TNS3: variants seen among roughly 807,000 people sequenced by gnomAD.
The protein encoded by TNS3 is tensin 3.
A neutral mutation model predicts 140.9 loss-of-function variants in TNS3; 45 were observed. The ratio of observed to expected loss-of-function variants is 0.32; its 90% CI spans 0.25 to 0.41. TNS3 has a LOEUF of 0.41. TNS3 is among the 10% of genes least tolerant of loss of function. The pLI is 1.00. For synonymous variants in TNS3, 815 were observed against 788.4 expected, an observed-to-expected ratio of 1.03 and a Z score of -0.56; for missense variants, 1,716 against 1,906.7, an observed-to-expected ratio of 0.90 and a Z score of 1.86.
chr7:47,362,645 A>G (rs1269299091), intron 17 of TNS3, among the ~76,000 whole-genome samples: 1 of 152,176 alleles, frequency 6.6e-6, no homozygotes. Context: ...TGGTGAAATG[A>G]AGGTACCTAA....
intron 1 of TNS3, among the ~76,000 whole-genome samples, chr7:47,577,509 G>A (rs754851089): frequency 2.5e-4 from 38 of 152,186 alleles, no homozygotes; most frequent in Non-Finnish European, 4.7e-4. Flanking sequence ...GCTGGGCTGT[G>A]GGTGGGGACT....
At chr7:47,360,776 C>T (rs961357728) in intron 17 of TNS3, among the ~76,000 whole-genome samples, 2 of 152,182 alleles carry the variant, frequency 1.3e-5, no homozygotes, top group Non-Finnish European at 2.9e-5. Context: ...ACCTCAGATG[C>T]GCACGCTGCT....
rs1352991300 is a variant in TNS3, at chr7:47,330,108, G to A, written c.2650+14647C>T. Among the ~76,000 whole-genome samples, 7 of 152,102 alleles carry A rather than the reference G, an allele frequency of 4.6e-5. No homozygotes were observed. The East Asian group carries it at 1.4e-3, about 29-fold the overall frequency. The stretch of plus-strand genomic sequence containing the variant: ...GAAAAAACATTTAAAAATTCTTCCC[G>A]GACAGTCTGCTCCCCCCACCCAAAC... On this transcript the variant is annotated intron_variant, in intron 20 of 30. Coordinates refer to ENST00000311160, the MANE Select transcript of TNS3 (RefSeq NM_022748.12).
rs1482899045 is a variant in TNS3 at position 47,411,715 on chromosome 7, G to A, written c.723+12C>T. 4 of 1,607,664 alleles carry A rather than the reference G, an allele frequency of 2.5e-6. No individual in the cohort carries two copies. In the Admixed American group the frequency reaches 6.7e-5, roughly 27 times the overall value. ...GGACACCAACCCATCTGCGGCCACA[G>A]CGGGCACTCACCATGACATCTCCCT... On this transcript the variant is annotated intron_variant, in intron 13 of 30. Coordinates refer to ENST00000311160, the MANE Select transcript of TNS3 (RefSeq NM_022748.12).
intron 23 of TNS3, among the ~76,000 whole-genome samples, chr7:47,297,496 G>A (rs897757631): frequency 1.9e-4 from 29 of 152,132 alleles, no homozygotes; most frequent in African/African-American, 3.1e-4. Context: ...CTGAGGTGCC[G>A]GGCACTGTCC....
rs113205892 is a variant in TNS3, at chr7:47,375,099, G to A, written c.1025-5478C>T. Among the ~76,000 whole-genome samples, 1,155 of 152,248 alleles carry A rather than the reference G, an allele frequency of 7.6e-3. 17 individuals are homozygous for A. The highest frequency in any genetic ancestry group is 0.027 in the African/African-American group (1,110 of 41,532). Reference sequence around the variant, plus strand: ...TTAACATTTTGCTTCCATCTCAAAGGGAGCATGGGGAAGTCTGAATCAACC... The same window carrying A: ...TTAACATTTTGCTTCCATCTCAAAGAGAGCATGGGGAAGTCTGAATCAACC... On this transcript the variant is annotated intron_variant, in intron 16 of 30. Transcript: ENST00000311160.
chr7:47,347,049 T>C (rs60504187), intron 17 of TNS3, among the ~76,000 whole-genome samples: 2 of 152,270 alleles, frequency 1.3e-5, no homozygotes, highest in East Asian at 3.9e-4. Flanking sequence ...CAGGGATTCT[T>C]ATCATTTGGC....
chr7:47,466,549 A>G (rs528395051), intron 4 of TNS3, among the ~76,000 whole-genome samples: 1 of 152,236 alleles, frequency 6.6e-6, no homozygotes, highest in Non-Finnish European at 1.5e-5. Flanking sequence ...TGAGCCCTGC[A>G]GTATGGCTTC....
chr7:47,562,803 C>T, intron 1 of TNS3, among the ~76,000 whole-genome samples: 1 of 152,262 alleles, frequency 6.6e-6, no homozygotes, highest in Non-Finnish European at 1.5e-5. Flanking sequence ...TTCTTAACTA[C>T]GTACAAAACA....
intron 4 of TNS3, among the ~76,000 whole-genome samples, chr7:47,467,085 C>G (rs1255774963): frequency 6.6e-6 from 1 of 152,168 alleles, no homozygotes; most frequent in Non-Finnish European, 1.5e-5. Flanking sequence ...ACATCTGTGT[C>G]CAAAGTACAA....
At chr7:47,431,304 C>T (rs774442991) in intron 8 of TNS3, among the ~76,000 whole-genome samples, 1 of 151,960 alleles carries the variant, frequency 6.6e-6, no homozygotes, top group Non-Finnish European at 1.5e-5. Flanking sequence ...ATAAAAAAAC[C>T]TAATGTCAGG....
intron 17 of TNS3, among the ~76,000 whole-genome samples, chr7:47,364,900 A>G (rs1462415006): frequency 6.6e-6 from 1 of 152,190 alleles, no homozygotes; most frequent in African/African-American, 2.4e-5. Flanking sequence ...GAGACTGGTA[A>G]CCAGTTTTGC....
At chr7:47,361,206 C>CAA (rs56823708) in intron 17 of TNS3, among the ~76,000 whole-genome samples, 575 of 47,176 alleles carry the variant, frequency 0.012, 14 homozygotes, top group African/African-American at 0.032. Flanking sequence ...GTAACCATGC[C>CAA]AAAAAAAAAA....
At chr7:47,310,934 G>A (rs1787049881) in intron 20 of TNS3, among the ~76,000 whole-genome samples, 1 of 152,168 alleles carries the variant, frequency 6.6e-6, no homozygotes, top group African/African-American at 2.4e-5. Flanking sequence ...ATTCCATGGT[G>A]TATATGTGCC....
chr7:47,299,289 C>T (rs1786244282), intron 23 of TNS3, among the ~76,000 whole-genome samples: 1 of 151,698 alleles, frequency 6.6e-6, no homozygotes, highest in Non-Finnish European at 1.5e-5. Context: ...AAGTGTACAC[C>T]ACCACACCCA....
chr7:47,316,095 T>TCTCTCC (rs1491115924), intron 20 of TNS3, among the ~76,000 whole-genome samples: 3 of 2,272 alleles, frequency 1.3e-3, no homozygotes, highest in Admixed American at 4.6e-3. Context: ...ACTAACTATT[T>TCTCTCC]CTCTCTCTCT....
At chr7:47,287,023 G>C (rs1453284878) in intron 27 of TNS3, among the ~76,000 whole-genome samples, 2 of 151,936 alleles carry the variant, frequency 1.3e-5, no homozygotes, top group Non-Finnish European at 2.9e-5. Flanking sequence ...GGGCTGCATA[G>C]GGGCAACCGA....
At chr7:47,517,576 T>C (rs1798821273) in intron 2 of TNS3, among the ~76,000 whole-genome samples, 1 of 152,228 alleles carries the variant, frequency 6.6e-6, no homozygotes, top group African/African-American at 2.4e-5. Flanking sequence ...TATTCATTAA[T>C]ACCCACAGCT....
At chr7:47,459,488 G>A (rs1341667360) in intron 4 of TNS3, among the ~76,000 whole-genome samples, 2 of 152,116 alleles carry the variant, frequency 1.3e-5, no homozygotes, top group East Asian at 1.9e-4. Flanking sequence ...AGGAGAAAAC[G>A]GCACCTCCAA....
Sources: allele counts gnomAD v4.1 joint callset (sites outside exome capture counted in the v4.1 genomes callset), GRCh38; gene constraint gnomAD v4.1.1; transcripts MANE v1.5; gene names NCBI Gene and HGNC (gene_info 2026-07-23, HGNC 2026-07-21).